ID4: variants seen among roughly 807,000 people sequenced by gnomAD.
ID4 encodes inhibitor of DNA binding 4, also known as DNA-binding protein inhibitor ID-4.
In ID4, 9 loss-of-function variants were observed where a neutral mutation model predicts 8.6. The observed-to-expected ratio is 1.04, with a 90% CI of 0.63 to 1.82. The LOEUF (loss-of-function observed/expected upper bound fraction) is 1.82. Among genes scored for constraint, ID4 ranks in the 40% most tolerant of loss-of-function variants. The pLI, the probability that ID4 is intolerant of heterozygous loss-of-function variation, is 0.00. For synonymous variants in ID4, 180 were observed against 118.0 expected (o/e 1.53, Z -3.41); for missense variants, 270 against 235.1 (o/e 1.15, Z -0.97).
Position 19,838,033 on chromosome 6 carries a change from C to A in ID4, c.279C>A (p.Ile93=). 3 of 1,606,306 alleles carry A rather than the reference C, an allele frequency of 1.9e-6. No homozygotes were observed. The highest frequency in any genetic ancestry group is 2.6e-6 in the Non-Finnish European group (3 of 1,176,072). The change falls in exon 1 of 3, where the codon ATC becomes ATA. Residue 93 remains isoleucine (I), a synonymous_variant. Transcript: ENST00000378700. ...PPNKKVSKVE[I]LQHVIDYILD... is the part of the protein sequence containing the mutation. ...ACAAGAAAGTCAGCAAAGTGGAGAT[C>A]CTGCAGCACGTTATCGACTACATCC...
rs1415994988 is a variant in ID4, at chr6:19,838,564, G to C, written c.442-20G>C. ...TTTGCGCCTGCTAACCTTTCCCTTG[G>C]TGTTCGGTTGCTGTTCCAGGCCGGC... is the stretch of plus-strand genomic sequence containing the variant. On this transcript the variant is annotated intron_variant, in intron 1 of 2. Transcript: ENST00000378700. 4 of 1,613,982 alleles carry C rather than the reference G, an allele frequency of 2.5e-6. No individual in the cohort carries two copies. Among genetic ancestry groups the C allele is most frequent in the Non-Finnish European group, 2.5e-6 (3 of 1,179,878 alleles).
At chr6:19,838,905 T>C (rs1172213504) in intron 2 of ID4, 1 of 535,416 alleles carries the variant, frequency 1.9e-6, no homozygotes, top group Admixed American at 3.4e-5. Flanking sequence ...AGCGGGCTCT[T>C]CTGCCTTCCC....
In ID4 at chr6:19,838,574, G is replaced by A. The variant is rs1255023220; in HGVS notation, c.442-10G>A. ...CTAACCTTTCCCTTGGTGTTCGGTT[G>A]CTGTTCCAGGCCGGCGCGGTGAACA... On this transcript the variant is annotated splice_polypyrimidine_tract_variant and intron_variant, in intron 1 of 2. Transcript: ENST00000378700. 3 of 1,614,016 alleles carry A rather than the reference G, an allele frequency of 1.9e-6. No homozygotes were observed. The African/African-American group carries it at 4.0e-5, about 22-fold the overall frequency.
In ID4 at chr6:19,842,072, T is replaced by C. The variant is rs555790691; in HGVS notation, c.*2877T>C. Reference sequence around the variant, plus strand: ...TTCAAAGAACTAATATACTTTGATATTGTGTAAACCTTACTCAAGTTTATT... The same window carrying C: ...TTCAAAGAACTAATATACTTTGATACTGTGTAAACCTTACTCAAGTTTATT... On this transcript the variant is annotated 3_prime_UTR_variant, in exon 3 of 3. Transcript: ENST00000378700. Among the ~76,000 whole-genome samples the C allele has an allele frequency of 3.3e-5, 5 of 152,364 alleles. No homozygotes were observed. In the East Asian group the frequency reaches 5.8e-4, roughly 18 times the overall value.
At position 19,837,874 on chromosome 6, in the gene ID4, CGCGGCGGCGGCGGCG is replaced by C; in HGVS notation, c.126_140del (p.Ala44_Ala48del). On this transcript the variant is annotated inframe_deletion, in exon 1 of 3. Transcript: ENST00000378700. Reference sequence around the variant, plus strand: ...GCCACAGCCTGGGTGGCTCCGCAGCCGCGGCGGCGGCGGCGGCGGCAGCGCGCTGTAAGGCGGCCG... The same window carrying C: ...GCCACAGCCTGGGTGGCTCCGCAGCCGCGGCAGCGCGCTGTAAGGCGGCCG... 1 of 1,277,130 alleles carries C rather than the reference CGCGGCGGCGGCGGCG, an allele frequency of 7.8e-7. No homozygotes were observed. The highest frequency in any genetic ancestry group is 9.9e-7 in the Non-Finnish European group (1 of 1,012,096). 79.1% of individuals were successfully genotyped at this position (1,277,130 alleles called of 1,614,324 possible). A position where few individuals can be genotyped will look rare whatever the true frequency, so the allele number is the denominator to read the frequency against.
At position 19,838,579 on chromosome 6, in the gene ID4, T is replaced by A. The variant is rs1554139557; in HGVS notation, c.442-5T>A. ...CTTTCCCTTGGTGTTCGGTTGCTGT[T>A]CCAGGCCGGCGCGGTGAACAAGCAG... On this transcript the variant is annotated splice_region_variant and splice_polypyrimidine_tract_variant and intron_variant, in intron 1 of 2. Transcript: ENST00000378700. 4 of 1,613,846 alleles carry A rather than the reference T, an allele frequency of 2.5e-6. No homozygotes were observed. The highest frequency in any genetic ancestry group is 3.4e-6 in the Non-Finnish European group (4 of 1,179,904).
rs2113464068 is a variant in ID4, at chr6:19,838,061, G to C, written c.307G>C (p.Asp103His). 1 of 1,607,302 alleles carries C rather than the reference G, an allele frequency of 6.2e-7. No individual in the cohort carries two copies. Among genetic ancestry groups the C allele is most frequent in the Non-Finnish European group, 8.5e-7 (1 of 1,176,678 alleles). Residue 103 changes from aspartate to histidine, a missense_variant, in exon 1 of 3, where the codon GAC (aspartate) becomes CAC (histidine). This residue lies in a region of ID4 where 3 missense variants were observed against 22.6 expected (regional missense o/e 0.13). Transcript: ENST00000378700. ...GCAGCACGTTATCGACTACATCCTG[G>C]ACCTGCAGCTGGCGCTGGAGACGCA... is the stretch of plus-strand genomic sequence containing the variant. ...ILQHVIDYIL[D>H]LQLALETHPA...
intron 2 of ID4, 199 bp from the exon 3 acceptor site, chr6:19,839,011 C>T (rs916613342): frequency 4.5e-4 from 104 of 229,620 alleles, no homozygotes; most frequent in Non-Finnish European, 7.2e-4. Context: ...GGGCAGGGCG[C>T]CGGAGTGGGT....
At position 19,837,432 on chromosome 6, in the gene ID4, G is replaced by A. The variant is rs1377098976; in HGVS notation, c.-323G>A. 1 of 155,922 alleles carries A rather than the reference G, an allele frequency of 6.4e-6. No homozygotes were observed. The highest frequency in any genetic ancestry group is 1.4e-5 in the Non-Finnish European group (1 of 70,780). 9.7% of individuals were successfully genotyped at this position (155,922 alleles called of 1,614,324 possible). A position where few individuals can be genotyped will look rare whatever the true frequency, so the allele number is the denominator to read the frequency against. On this transcript the variant is annotated 5_prime_UTR_variant, in exon 1 of 3. Transcript: ENST00000378700. ...CGGGAGTGGGGTGATCCCGGGCTAG[G>A]GGAGCGCGGCGGCCGCGATCGGGCT...
rs1761255962 is a variant in ID4, at chr6:19,837,892, G to C, written c.138G>C (p.Ala46=). 1 of 1,319,272 alleles carries C rather than the reference G, an allele frequency of 7.6e-7. No individual in the cohort carries two copies. The highest frequency in any genetic ancestry group is 4.2e-5 in the Admixed American group (1 of 24,060). The allele number at this position is 1,319,272 out of a possible 1,614,324, so 81.7% of individuals were successfully genotyped here. ...CCGCAGCCGCGGCGGCGGCGGCGGC[G>C]GCAGCGCGCTGTAAGGCGGCCGAGG... is the stretch of plus-strand genomic sequence containing the variant. ...GGSAAAAAAA[A]AARCKAAEAA... is the part of the protein sequence containing the mutation. Residue 46 remains alanine (A), a synonymous_variant, in exon 1 of 3, where the codon GCG becomes GCC. Coordinates refer to ENST00000378700, the MANE Select transcript of ID4 (RefSeq NM_001546.4).
In ID4 at chr6:19,839,970, T is replaced by G. The variant is rs1014674428; in HGVS notation, c.*775T>G. 5.9e-5 allele frequency: 9 copies of G among 152,488 alleles called. No individual in the cohort carries two copies. Among genetic ancestry groups the G allele is most frequent in the African/African-American group, 2.2e-4 (9 of 41,556 alleles). 9.4% of individuals were successfully genotyped at this position (152,488 alleles called of 1,614,324 possible). A position where few individuals can be genotyped will look rare whatever the true frequency, so the allele number is the denominator to read the frequency against. On this transcript the variant is annotated 3_prime_UTR_variant, in exon 3 of 3. Coordinates refer to ENST00000378700, the MANE Select transcript of ID4 (RefSeq NM_001546.4). ...TGCTTTTGTTTTGCCCAGTATAGAC[T>G]CGGAAGTAACAGTTATAGCTAGTGG... is the stretch of plus-strand genomic sequence containing the variant.
At position 19,837,725 on chromosome 6, in the gene ID4, T is replaced by C; in HGVS notation, c.-30T>C. On this transcript the variant is annotated 5_prime_UTR_variant, in exon 1 of 3. Coordinates refer to ENST00000378700, the MANE Select transcript of ID4 (RefSeq NM_001546.4). ...TGCCTCCCTCGCTCGCCCCAGCGGG[T>C]TCGCTCGCGTAGAGCGCAGGGCGCG... 1 of 1,110,798 alleles carries C rather than the reference T, an allele frequency of 9.0e-7. No homozygotes were observed. The highest frequency in any genetic ancestry group is 1.1e-6 in the Non-Finnish European group (1 of 910,300). The allele number at this position is 1,110,798 out of a possible 1,614,324, so 68.8% of individuals were successfully genotyped here.
Position 19,839,529 on chromosome 6 carries a change from G to C in ID4, c.*334G>C, listed in dbSNP as rs1761312424. On this transcript the variant is annotated 3_prime_UTR_variant, in exon 3 of 3. Transcript: ENST00000378700. The stretch of plus-strand genomic sequence containing the variant: ...AGGACTGATAAATAGAAGATCAAGA[G>C]TAGATCCGACTTTAGAAGCCTACTT... 1 of 152,594 alleles carries C rather than the reference G, an allele frequency of 6.6e-6. No individual in the cohort carries two copies. The highest frequency in any genetic ancestry group is 1.5e-5 in the Non-Finnish European group (1 of 68,042). 9.5% of individuals were successfully genotyped at this position (152,594 alleles called of 1,614,324 possible).
In ID4 at chr6:19,837,495, G is replaced by A. The variant is rs574296354; in HGVS notation, c.-260G>A. On this transcript the variant is annotated 5_prime_UTR_variant, in exon 1 of 3. It adds an upstream start codon to the 5' untranslated region. Coordinates refer to ENST00000378700, the MANE Select transcript of ID4 (RefSeq NM_001546.4). ...CGAAGGGAGTGACTAGGACACCCGG[G>A]TGGGCTACTTTTCTTCCGGTGCTTT... 5 of 171,408 alleles carry A rather than the reference G, an allele frequency of 2.9e-5. No homozygotes were observed. The highest frequency in any genetic ancestry group is 7.2e-5 in the African/African-American group (3 of 41,602). 10.6% of individuals were successfully genotyped at this position (171,408 alleles called of 1,614,324 possible).
Position 19,838,874 on chromosome 6 carries a change from C to G in ID4, c.*14+232C>G, listed in dbSNP as rs1225224601. 3.4e-5 allele frequency: 19 copies of G among 560,320 alleles called. 1 individual carries two copies. Among genetic ancestry groups the G allele is most frequent in the Middle Eastern group, 4.7e-4 (1 of 2,118 alleles). The allele number at this position is 560,320 out of a possible 1,614,324, so 34.7% of individuals were successfully genotyped here. ...CGGGTCAGCCCTTGTCCCCGCCGTC[C>G]CCGTGTTTTTTCTGGTGGTCAGCGG... is the stretch of plus-strand genomic sequence containing the variant. On this transcript the variant is annotated intron_variant, in intron 2 of 2. Transcript: ENST00000378700.
At chr6:19,838,445 C>A (rs1388401920) in intron 1 of ID4, 139 bp from the exon 2 acceptor site, 7 of 1,213,722 alleles carry the variant, frequency 5.8e-6, no homozygotes, top group African/African-American at 1.5e-5. Context: ...CCCGCCTGAG[C>A]CCGGAGGGGC....
rs1468895838 is a variant in ID4, at chr6:19,838,217, G to A, written c.441+22G>A. On this transcript the variant is annotated intron_variant, in intron 1 of 2. Coordinates refer to ENST00000378700, the MANE Select transcript of ID4 (RefSeq NM_001546.4). ...CCCGGTGAGAGGCCGGGCGCCGGCC[G>A]TGGGCGGACGCCGCGGGGGATGGGA... The A allele has an allele frequency of 1.8e-5, 24 of 1,334,062 alleles. No individual in the cohort carries two copies. In the South Asian group the frequency reaches 4.2e-4, roughly 24 times the overall value. 82.6% of individuals were successfully genotyped at this position (1,334,062 alleles called of 1,614,324 possible).
At chr6:19,838,309 C>T in intron 1 of ID4, 114 bp downstream of exon 1, 10 of 1,072,882 alleles carry the variant, frequency 9.3e-6, no homozygotes, top group East Asian at 3.3e-5. Flanking sequence ...CCAGGAATGA[C>T]AGCCCCCTCC....
At position 19,842,183 on chromosome 6, in the gene ID4, C is replaced by A. The variant is rs146959951; in HGVS notation, c.*2988C>A. Reference sequence around the variant, plus strand: ...TTAGTTGCCTTCTATAACAATAAATCTTCACTGAGCAAAAGGCTCTGGAGT... The same window carrying A: ...TTAGTTGCCTTCTATAACAATAAATATTCACTGAGCAAAAGGCTCTGGAGT... On this transcript the variant is annotated 3_prime_UTR_variant, in exon 3 of 3. Transcript: ENST00000378700. Among the ~76,000 whole-genome samples, 1 of 152,308 alleles carries A rather than the reference C, an allele frequency of 6.6e-6. No homozygotes were observed. Among genetic ancestry groups the A allele is most frequent in the Non-Finnish European group, 1.5e-5 (1 of 68,016 alleles).
Sources: gnomAD v4.1 joint callset for allele counts (sites outside exome capture counted in the v4.1 genomes callset) on GRCh38, gnomAD v4.1.1 for gene constraint, gnomAD v4.1.1 regional missense constraint, MANE v1.5 for transcripts, NCBI Gene and HGNC (gene_info 2026-07-23, HGNC 2026-07-21) for gene names.